The following SAMMSON variants were observed in gnomAD, a reference collection of about 807,000 sequenced individuals.
SAMMSON encodes the protein survival associated mitochondrial melanoma specific oncogenic non-coding RNA, also known as long intergenic non-protein coding RNA 1212.
At chr3:70,312,882 C>G (rs556344041) in intron 7 of SAMMSON, among the ~76,000 whole-genome samples, 10 of 152,000 alleles carry the variant, frequency 6.6e-5, no homozygotes, top group Non-Finnish European at 1.5e-4. Context: ...TTTCTTCCAT[C>G]CCTGCCATTC....
At chr3:70,048,544 G>GACA (rs1352209873) in intron 3 of SAMMSON, among the ~76,000 whole-genome samples, 51 of 151,986 alleles carry the variant, frequency 3.4e-4, no homozygotes, top group African/African-American at 1.2e-3. Context: ...CCTTTATAGG[G>GACA]ACAACACCAA....
chr3:70,164,411 CA>C (rs1315671848), intron 4 of SAMMSON, among the ~76,000 whole-genome samples: 1 of 151,582 alleles, frequency 6.6e-6, no homozygotes, highest in African/African-American at 2.4e-5. Context: ...TATAAAATTT[CA>C]AAAAAAGATC....
At chr3:70,104,829 CATATGG>C (rs2067361033) in intron 4 of SAMMSON, among the ~76,000 whole-genome samples, 1 of 152,108 alleles carries the variant, frequency 6.6e-6, no homozygotes, top group Admixed American at 6.6e-5. Flanking sequence ...TCGTTTTTCA[CATATGG>C]ATCTCCCATG....
chr3:70,103,126 G>C (rs933726797), intron 4 of SAMMSON, among the ~76,000 whole-genome samples: 3 of 152,156 alleles, frequency 2.0e-5, no homozygotes, highest in African/African-American at 7.2e-5. Context: ...CTTCCACTAA[G>C]CTTCAACAAA....
intron 7 of SAMMSON, among the ~76,000 whole-genome samples, chr3:70,347,290 T>C (rs963995917): frequency 6.6e-6 from 1 of 152,194 alleles, no homozygotes; most frequent in African/African-American, 2.4e-5. Context: ...TCACTTAACT[T>C]AAATATATGC....
At chr3:70,133,674 G>C (rs2067493179) in intron 4 of SAMMSON, among the ~76,000 whole-genome samples, 1 of 152,092 alleles carries the variant, frequency 6.6e-6, no homozygotes. Flanking sequence ...TCTCCACATA[G>C]ATAGTCTCAA....
At chr3:70,088,583 A>T (rs760072796) in intron 4 of SAMMSON, among the ~76,000 whole-genome samples, 1 of 152,160 alleles carries the variant, frequency 6.6e-6, no homozygotes, top group African/African-American at 2.4e-5. Context: ...TAAATTTGGG[A>T]TCTTTTGTAG....
At chr3:70,383,431 G>A (rs1024262821) in intron 9 of SAMMSON, among the ~76,000 whole-genome samples, 7 of 151,272 alleles carry the variant, frequency 4.6e-5, no homozygotes, top group Admixed American at 6.6e-5. Context: ...TTTCATTTTC[G>A]TAAATGCTAT....
At chr3:70,027,097 G>A (rs1234140312) in intron 3 of SAMMSON, among the ~76,000 whole-genome samples, 6 of 152,114 alleles carry the variant, frequency 3.9e-5, no homozygotes, top group African/African-American at 1.2e-4. Context: ...GATTCAGAAC[G>A]TTGAGGCATT....
intron 4 of SAMMSON, among the ~76,000 whole-genome samples, chr3:70,078,083 CAT>C (rs1453723225): frequency 1.3e-5 from 2 of 152,092 alleles, no homozygotes; most frequent in East Asian, 1.9e-4. Context: ...TATCCCATCA[CAT>C]GTGTGTGGGG....
chr3:70,379,368 TG>T (rs1447960856), intron 9 of SAMMSON, among the ~76,000 whole-genome samples: 2 of 152,156 alleles, frequency 1.3e-5, no homozygotes, highest in Non-Finnish European at 2.9e-5. Flanking sequence ...CAGCCTTGTT[TG>T]GGGAGAAGAC....
intron 3 of SAMMSON, among the ~76,000 whole-genome samples, chr3:70,029,364 A>G (rs1559776545): frequency 6.6e-6 from 1 of 152,140 alleles, no homozygotes; most frequent in Non-Finnish European, 1.5e-5. Flanking sequence ...TCTTAGTTTA[A>G]TGTCCCTTCA....
At chr3:70,412,125 TG>T (rs1263870412) in intron 2 of SAMMSON, among the ~76,000 whole-genome samples, 1 of 152,162 alleles carries the variant, frequency 6.6e-6, no homozygotes, top group African/African-American at 2.4e-5. Context: ...AATTCAATGC[TG>T]ATGAAAGTAA....
At chr3:70,311,503 A>G (rs1300747620) in intron 7 of SAMMSON, among the ~76,000 whole-genome samples, 3 of 152,184 alleles carry the variant, frequency 2.0e-5, no homozygotes, top group Non-Finnish European at 4.4e-5. Flanking sequence ...TCCTATAGCA[A>G]GCATTCCTTT....
chr3:70,419,308 C>G (rs1040100243), intron 2 of SAMMSON, among the ~76,000 whole-genome samples: 1 of 152,056 alleles, frequency 6.6e-6, no homozygotes, highest in Non-Finnish European at 1.5e-5. Context: ...GCTGAGATTA[C>G]AGACATGAGC....
intron 4 of SAMMSON, among the ~76,000 whole-genome samples, chr3:70,112,407 G>A (rs1421153327): frequency 6.6e-6 from 1 of 152,062 alleles, no homozygotes; most frequent in African/African-American, 2.4e-5. Context: ...AGTCACTAAA[G>A]GAGGGGCTTC....
chr3:70,390,402 A>G (rs1178829114), downstream of SAMMSON, among the ~76,000 whole-genome samples: 1 of 152,146 alleles, frequency 6.6e-6, no homozygotes, highest in Non-Finnish European at 1.5e-5. Flanking sequence ...GAGACTGGAT[A>G]ATTTATGAAA....
In SAMMSON at chr3:70,367,948, A is replaced by G. The variant is rs182849858; in HGVS notation, n.913+9624A>G. 6.5e-4 allele frequency among the ~76,000 whole-genome samples: 96 copies of G among 147,004 alleles called. 2 individuals are homozygous for G. The East Asian group carries it at 0.013, about 21-fold the overall frequency. On this transcript the variant is annotated intron_variant and non_coding_transcript_variant, in intron 9 of 9. Coordinates refer to ENST00000642114, the Ensembl canonical transcript of SAMMSON. ...TGTCTATTTGGTAATATTTTTGCCC[A>G]TTTTAAAATTGGGTTTTTTTTTTTA...
At chr3:70,019,175 A>C (rs528829339) in intron 3 of SAMMSON, among the ~76,000 whole-genome samples, 92 of 152,196 alleles carry the variant, frequency 6.0e-4, no homozygotes, top group Admixed American at 2.3e-3. Flanking sequence ...TAATGTTGAC[A>C]GTGGGGTGTT....
Sources: gnomAD v4.1 joint callset for allele counts (sites outside exome capture counted in the v4.1 genomes callset) on GRCh38, gnomAD v4.1.1 for gene constraint, MANE v1.5 for transcripts, NCBI Gene and HGNC (gene_info 2026-07-23, HGNC 2026-07-21) for gene names.